IFT43: variants seen among roughly 807,000 people sequenced by gnomAD.
IFT43 encodes the protein intraflagellar transport protein 43 homolog.
A neutral mutation model predicts 32.3 loss-of-function variants in IFT43; 33 were observed. The observed-to-expected ratio is 1.02, with a 90% CI of 0.77 to 1.37. The LOEUF is 1.37. Among genes scored for constraint, IFT43 ranks in the 40% most tolerant of loss-of-function variants. The pLI, the probability that IFT43 is intolerant of heterozygous loss-of-function variation, is 0.00. For missense variants in IFT43, 274 were observed against 265.9 expected, an observed-to-expected ratio of 1.03 and a Z score of -0.21; for synonymous variants, 93 against 98.2, an observed-to-expected ratio of 0.95 and a Z score of 0.31.
intron 2 of IFT43, among the ~76,000 whole-genome samples, chr14:75,994,100 G>GC (rs1407920352): frequency 6.7e-6 from 1 of 150,192 alleles, no homozygotes; most frequent in East Asian, 1.9e-4. Flanking sequence ...ATTATAGAAA[G>GC]CCCTTTTTTT....
chr14:76,066,054 A>G (rs2037220079), intron 5 of IFT43, among the ~76,000 whole-genome samples: 2 of 152,226 alleles, frequency 1.3e-5, no homozygotes, highest in Non-Finnish European at 2.9e-5. Flanking sequence ...TCCAGGCTCT[A>G]ACAAATGGTA....
At chr14:76,062,648 G>A (rs1294957316) in intron 5 of IFT43, among the ~76,000 whole-genome samples, 1 of 152,014 alleles carries the variant, frequency 6.6e-6, no homozygotes, top group African/African-American at 2.4e-5. Context: ...CAGGCGCGGT[G>A]GCTCATGCCT....
intron 3 of IFT43, among the ~76,000 whole-genome samples, chr14:76,053,067 C>G (rs1371681184): frequency 1.3e-5 from 2 of 152,124 alleles, no homozygotes; most frequent in African/African-American, 2.4e-5. Flanking sequence ...GGTTACTTAC[C>G]TCTCTTGAGC....
At chr14:76,061,213 T>A (rs939636605) in intron 5 of IFT43, among the ~76,000 whole-genome samples, 1 of 152,196 alleles carries the variant, frequency 6.6e-6, no homozygotes, top group African/African-American at 2.4e-5. Context: ...CGATCATTAT[T>A]CTTATCTTTG....
chr14:76,043,351 G>T (rs2036742855), intron 3 of IFT43, among the ~76,000 whole-genome samples: 1 of 146,260 alleles, frequency 6.8e-6, no homozygotes, highest in Admixed American at 6.9e-5. Flanking sequence ...AAGGGTAGGT[G>T]GGCAAGGTAG....
chr14:76,012,157 T>G (rs1033911908), intron 2 of IFT43, among the ~76,000 whole-genome samples: 1 of 152,216 alleles, frequency 6.6e-6, no homozygotes, highest in Non-Finnish European at 1.5e-5. Flanking sequence ...TGAAACAGGT[T>G]GCAATTTGGA....
chr14:76,037,731 C>T (rs1361587516), intron 3 of IFT43, among the ~76,000 whole-genome samples: 2 of 149,242 alleles, frequency 1.3e-5, no homozygotes, highest in Non-Finnish European at 3.0e-5. Context: ...TTAAGAGCTG[C>T]AGCTGCCTTT....
intron 3 of IFT43, among the ~76,000 whole-genome samples, chr14:76,028,400 T>C (rs2036445109): frequency 1.3e-5 from 2 of 152,174 alleles, no homozygotes; most frequent in Admixed American, 6.5e-5. Context: ...AAGAAGAATT[T>C]ACTCTCTCTC....
intron 2 of IFT43, among the ~76,000 whole-genome samples, chr14:76,016,665 TATTA>T (rs1472377078): frequency 6.6e-6 from 1 of 152,178 alleles, no homozygotes; most frequent in African/African-American, 2.4e-5. Context: ...ATTCTAACAA[TATTA>T]ATTCTTCTGA....
intron 1 of IFT43, among the ~76,000 whole-genome samples, chr14:75,988,370 A>G (rs563976141): frequency 2.6e-5 from 4 of 152,170 alleles, no homozygotes; most frequent in Non-Finnish European, 5.9e-5. Flanking sequence ...TTAATTTCCT[A>G]TTTTCCTATC....
rs562606035 is a variant in IFT43 at position 76,059,269 on chromosome 14, T to A, written c.249-58T>A. 3.1e-6 allele frequency: 5 copies of A among 1,613,318 alleles called. No homozygotes were observed. In the South Asian group the frequency reaches 4.4e-5, roughly 14 times the overall value. On this transcript the variant is annotated intron_variant, in intron 4 of 8. Coordinates refer to ENST00000314067, the MANE Select transcript of IFT43 (RefSeq NM_001102564.3). ...ATGGATACAATAAACATTTGGGATG[T>A]TCCTTTCCGTGTTTGAAACTCATTT...
intron 2 of IFT43, among the ~76,000 whole-genome samples, chr14:76,017,139 T>C (rs1007140405): frequency 1.3e-5 from 2 of 152,142 alleles, no homozygotes; most frequent in Non-Finnish European, 2.9e-5. Flanking sequence ...AGAGGAAAAA[T>C]GTTCAGCTTT....
rs1217789782 is a variant in IFT43 at position 75,986,116 on chromosome 14, C to T, written c.54+276C>T. 12 of 1,424,154 alleles carry T rather than the reference C, an allele frequency of 8.4e-6. No individual in the cohort carries two copies. The East Asian group carries it at 2.9e-4, about 35-fold the overall frequency. The allele number at this position is 1,424,154 out of a possible 1,614,324, so 88.2% of individuals were successfully genotyped here. Reference sequence around the variant, plus strand: ...CGTGGGAAATTTCCGAGCCTTTCTCCGTTTTCTAGAGCCCCGAGTGCGAAC... The same window carrying T: ...CGTGGGAAATTTCCGAGCCTTTCTCTGTTTTCTAGAGCCCCGAGTGCGAAC... On this transcript the variant is annotated intron_variant, in intron 1 of 8. Coordinates refer to ENST00000314067, the MANE Select transcript of IFT43 (RefSeq NM_001102564.3).
chr14:76,059,666 T>C, intron 5 of IFT43: 1 of 446,404 alleles, frequency 2.2e-6, no homozygotes, highest in African/African-American at 2.0e-5. Context: ...GGATGTTCTT[T>C]CTCCATGCTC....
intron 5 of IFT43, among the ~76,000 whole-genome samples, chr14:76,081,811 G>T (rs1305954292): frequency 6.6e-6 from 1 of 152,156 alleles, no homozygotes; most frequent in African/African-American, 2.4e-5. Context: ...GCACTGCGGG[G>T]CTAATGCACA....
intron 2 of IFT43, among the ~76,000 whole-genome samples, chr14:76,020,224 T>C (rs1366177798): frequency 6.6e-6 from 1 of 152,208 alleles, no homozygotes; most frequent in African/African-American, 2.4e-5. Context: ...CTGCCCGTCT[T>C]GGCCTCCCAA....
intron 1 of IFT43, among the ~76,000 whole-genome samples, chr14:75,986,938 A>G (rs2139855391): frequency 6.6e-6 from 1 of 152,292 alleles, no homozygotes; most frequent in South Asian, 2.1e-4. Flanking sequence ...GCAGTGTCCT[A>G]GGTGCTGGAG....
At chr14:76,027,344 A>G (rs1193083255) in intron 3 of IFT43, among the ~76,000 whole-genome samples, 1 of 47,164 alleles carries the variant, frequency 2.1e-5, no homozygotes, top group Admixed American at 1.9e-4. Context: ...CCCCCCACAC[A>G]CACACTTTTT....
At chr14:76,056,310 A>G (rs879602412) in intron 3 of IFT43, among the ~76,000 whole-genome samples, 7 of 152,194 alleles carry the variant, frequency 4.6e-5, no homozygotes, top group Admixed American at 4.6e-4. Flanking sequence ...ACTCCATTTG[A>G]TCTTTCTTCC....
Sources: allele counts gnomAD v4.1 joint callset (sites outside exome capture counted in the v4.1 genomes callset), GRCh38; gene constraint gnomAD v4.1.1; transcripts MANE v1.5; gene names NCBI Gene and HGNC (gene_info 2026-07-23, HGNC 2026-07-21).